CDK13: variants seen among roughly 807,000 people sequenced by gnomAD.
CDK13 encodes cyclin-dependent kinase 13.
A neutral mutation model predicts 137.6 loss-of-function variants in CDK13; 40 were observed. The observed-to-expected ratio is 0.29, with a 90% CI of 0.23 to 0.38. The LOEUF (loss-of-function observed/expected upper bound fraction) is 0.38. Ranked by LOEUF, CDK13 falls within the 10% of genes least tolerant of loss-of-function variation. The pLI is 1.00. For missense variants in CDK13, 1,704 were observed against 1,951.8 expected, an observed-to-expected ratio of 0.87 and a Z score of 2.39; for synonymous variants, 869 against 760.1, an observed-to-expected ratio of 1.14 and a Z score of -2.36.
intron 9 of CDK13, among the ~76,000 whole-genome samples, chr7:40,074,340 G>C (rs1442514790): frequency 6.6e-6 from 1 of 152,076 alleles, no homozygotes; most frequent in African/African-American, 2.4e-5. Flanking sequence ...GGCTAACACA[G>C]TGAAACCCTG....
intron 12 of CDK13, 141 bp from the exon 13 acceptor site, chr7:40,092,644 T>C: frequency 1.6e-6 from 1 of 629,146 alleles, no homozygotes; most frequent in Non-Finnish European, 2.8e-6. Flanking sequence ...TTAACTAGAC[T>C]TGAGGTTCTC....
intron 5 of CDK13, among the ~76,000 whole-genome samples, chr7:40,008,218 G>A (rs919317122): frequency 6.6e-6 from 1 of 152,146 alleles, no homozygotes; most frequent in South Asian, 2.1e-4. Flanking sequence ...GCCACATGTA[G>A]CTATTTAAGT....
rs1314445958 is a variant in CDK13, at chr7:40,082,751, G to A, written c.3029+3900G>A. 2.5e-4 allele frequency among the ~76,000 whole-genome samples: 37 copies of A among 145,450 alleles called. No individual in the cohort carries two copies. The East Asian group carries it at 7.2e-3, about 28-fold the overall frequency. On this transcript the variant is annotated intron_variant, in intron 11 of 13. Coordinates refer to ENST00000181839, the MANE Select transcript of CDK13 (RefSeq NM_003718.5). Reference sequence around the variant, plus strand: ...GATTGCAGTGAGCCAAGATCTTGCCGCTGCACTCCAGCCTGGGTGACAGAG... The same window carrying A: ...GATTGCAGTGAGCCAAGATCTTGCCACTGCACTCCAGCCTGGGTGACAGAG...
intron 1 of CDK13, among the ~76,000 whole-genome samples, chr7:39,982,562 C>G (rs898147156): frequency 1.3e-5 from 2 of 152,190 alleles, no homozygotes; most frequent in Admixed American, 6.5e-5. Flanking sequence ...AATGGTATTT[C>G]TAGTTCTAGA....
intron 11 of CDK13, among the ~76,000 whole-genome samples, chr7:40,082,930 A>G (rs998160265): frequency 1.9e-4 from 28 of 150,972 alleles, no homozygotes; most frequent in South Asian, 6.3e-4. Context: ...GTAAAATCCT[A>G]TCTCTACTAA....
chr7:40,066,474 C>A (rs1222505477), intron 9 of CDK13, among the ~76,000 whole-genome samples: 1 of 152,122 alleles, frequency 6.6e-6, no homozygotes, highest in East Asian at 1.9e-4. Flanking sequence ...TTTATCCCAC[C>A]AGTTGAAGAG....
rs1786959872 is a variant in CDK13, at chr7:40,092,969, AAAAC to A, written c.3422_3425del (p.Lys1141ArgfsTer46). The A allele has an allele frequency of 6.2e-7, 1 of 1,614,198 alleles. No homozygotes were observed. The highest frequency in any genetic ancestry group is 1.3e-5 in the African/African-American group (1 of 75,062). On this transcript the variant is annotated frameshift_variant, in exon 13 of 14. Transcript: ENST00000181839. LOFTEE classifies it high-confidence loss of function. The stretch of plus-strand genomic sequence containing the variant: ...CTGCTGGAATTTTGGCAACAGGTGA[AAAAC>A]AGACAGATCCATCAACACCACAACA...
intron 7 of CDK13, chr7:40,062,136 A>T (rs904211083): frequency 6.6e-6 from 1 of 152,204 alleles, no homozygotes. Context: ...CTTGTCATCC[A>T]TTAGTAATTT....
chr7:40,007,664 G>A (rs1188395943), intron 5 of CDK13, among the ~76,000 whole-genome samples: 1 of 152,140 alleles, frequency 6.6e-6, no homozygotes, highest in East Asian at 1.9e-4. Flanking sequence ...TTGACCTCAA[G>A]TGATCCACCC....
At position 39,951,248 on chromosome 7, in the gene CDK13, C is replaced by T. The variant is rs1583892640; in HGVS notation, c.607C>T (p.Arg203Cys). The T allele has an allele frequency of 1.5e-6, 2 of 1,300,544 alleles. No individual in the cohort carries two copies. Among genetic ancestry groups the T allele is most frequent in the East Asian group, 3.1e-5 (1 of 31,770 alleles). The allele number at this position is 1,300,544 out of a possible 1,614,324, so 80.6% of individuals were successfully genotyped here. Residue 203 changes from arginine to cysteine, a missense_variant, in exon 1 of 14, where the codon CGC becomes TGC. By Grantham distance (180) the Arg-to-Cys change is radical (BLOSUM62 -3). Coordinates refer to ENST00000181839, the MANE Select transcript of CDK13 (RefSeq NM_003718.5). ...GGAGCGCAGGCCCCGCCGGGACCGC[C>T]GCAGCAGCAGTGGCCGCAGCAAGGA... ...GSERRPRRDR[R>C]SSSGRSKERH... is the part of the protein sequence containing the mutation.
chr7:40,037,134 T>G (rs1389410838), intron 5 of CDK13, among the ~76,000 whole-genome samples: 1 of 152,182 alleles, frequency 6.6e-6, no homozygotes, highest in Non-Finnish European at 1.5e-5. Context: ...TTCCTCTAAA[T>G]AGTAATTAAA....
At chr7:39,960,687 G>C (rs1486417723) in intron 1 of CDK13, among the ~76,000 whole-genome samples, 1 of 152,128 alleles carries the variant, frequency 6.6e-6, no homozygotes, top group Non-Finnish European at 1.5e-5. Context: ...CTGTTCTTCA[G>C]CTTTAGCCTC....
chr7:39,962,086 G>T (rs1337611078), intron 1 of CDK13, among the ~76,000 whole-genome samples: 1 of 152,136 alleles, frequency 6.6e-6, no homozygotes, highest in Non-Finnish European at 1.5e-5. Flanking sequence ...GAATAGTGCC[G>T]CAATAAACAT....
At chr7:39,999,076 A>T (rs1010887571) in intron 3 of CDK13, 2 of 216,202 alleles carry the variant, frequency 9.3e-6, no homozygotes, top group African/African-American at 4.5e-5. Context: ...CTGAAAAATT[A>T]TATTTTATTT....
chr7:40,000,137 A>AGGCTGAGACAGGCAGATC (rs17537880), intron 4 of CDK13, among the ~76,000 whole-genome samples: 40,510 of 151,926 alleles, frequency 0.27, 6,547 homozygotes, highest in Middle Eastern at 0.45. Flanking sequence ...GCACTTTGGG[A>AGGCTGAGACAGGCAGATC]GGCTGAGACA....
At chr7:40,089,184 C>T (rs1356445268) in intron 12 of CDK13, among the ~76,000 whole-genome samples, 2 of 151,902 alleles carry the variant, frequency 1.3e-5, no homozygotes, top group Admixed American at 1.3e-4. Context: ...TCTGTAATCC[C>T]AGCTCTTTGG....
At chr7:39,975,429 A>C (rs993587068) in intron 1 of CDK13, among the ~76,000 whole-genome samples, 1 of 151,848 alleles carries the variant, frequency 6.6e-6, no homozygotes, top group Non-Finnish European at 1.5e-5. Flanking sequence ...AACAAAAAAA[A>C]CCCCTCAAAT....
chr7:39,978,578 T>C (rs541116930), intron 1 of CDK13, among the ~76,000 whole-genome samples: 1 of 152,378 alleles, frequency 6.6e-6, no homozygotes, highest in Middle Eastern at 3.4e-3. Flanking sequence ...AATTTATTCC[T>C]TCAGGGGAAT....
At chr7:40,091,678 C>T (rs984384127) in intron 12 of CDK13, among the ~76,000 whole-genome samples, 1 of 152,130 alleles carries the variant, frequency 6.6e-6, no homozygotes, top group Non-Finnish European at 1.5e-5. Context: ...GGAGAGACTA[C>T]CTGTGGTAAT....
Sources: allele counts gnomAD v4.1 joint callset (sites outside exome capture counted in the v4.1 genomes callset), GRCh38; gene constraint gnomAD v4.1.1; transcripts MANE v1.5; gene names NCBI Gene and HGNC (gene_info 2026-07-23, HGNC 2026-07-21).